TRAPPC9: variants seen among roughly 807,000 people sequenced by gnomAD.
The protein encoded by TRAPPC9 is trafficking protein particle complex subunit 9.
A neutral mutation model predicts 124.0 loss-of-function variants in TRAPPC9; 83 were observed. The observed-to-expected ratio is 0.67, with a 90% CI of 0.56 to 0.80. The LOEUF is 0.80. TRAPPC9 is among the 30% of genes least tolerant of loss of function. The pLI, the probability that TRAPPC9 is intolerant of heterozygous loss-of-function variation, is 0.00. For missense variants in TRAPPC9, 1,302 were observed against 1,508.3 expected (o/e 0.86, Z 2.27); for synonymous variants, 638 against 617.5 (o/e 1.03, Z -0.49).
chr8:139,774,605 G>A (rs1821231292), intron 21 of TRAPPC9, among the ~76,000 whole-genome samples: 1 of 152,182 alleles, frequency 6.6e-6, no homozygotes, highest in African/African-American at 2.4e-5. Context: ...TTAGCACAGT[G>A]CGATGTTTCC....
intron 7 of TRAPPC9, among the ~76,000 whole-genome samples, chr8:140,389,826 A>G (rs2068871426): frequency 6.7e-6 from 1 of 150,350 alleles, no homozygotes; most frequent in South Asian, 2.1e-4. Flanking sequence ...AACACATACA[A>G]TTTAACAACA....
intron 17 of TRAPPC9, among the ~76,000 whole-genome samples, chr8:140,162,991 CA>C (rs1321351058): frequency 6.7e-6 from 1 of 149,724 alleles, no homozygotes; most frequent in African/African-American, 2.5e-5. Flanking sequence ...GACCCTGTCT[CA>C]AAAAAAAAGA....
At chr8:140,449,334 G>A (rs2071378772) in intron 2 of TRAPPC9, among the ~76,000 whole-genome samples, 1 of 152,206 alleles carries the variant, frequency 6.6e-6, no homozygotes, top group Non-Finnish European at 1.5e-5. Context: ...TCCAAGCCAG[G>A]AGGCCAGTGA....
chr8:139,918,888 C>G (rs1006952679), intron 19 of TRAPPC9, among the ~76,000 whole-genome samples: 1 of 152,202 alleles, frequency 6.6e-6, no homozygotes, highest in African/African-American at 2.4e-5. Context: ...AAATTGATTT[C>G]TTTCTGCAGA....
chr8:139,940,107 G>A (rs1587287157), intron 19 of TRAPPC9, among the ~76,000 whole-genome samples: 2 of 152,316 alleles, frequency 1.3e-5, no homozygotes, highest in South Asian at 2.1e-4. Flanking sequence ...CCGTCGTTTG[G>A]TTGGAACACA....
intron 7 of TRAPPC9, among the ~76,000 whole-genome samples, chr8:140,388,956 CTTT>C (rs1244741598): frequency 0.045 from 5,582 of 125,290 alleles, 278 homozygotes; most frequent in African/African-American, 0.13. Flanking sequence ...CAAACACTGT[CTTT>C]TTTTTTTTTT....
chr8:140,083,684 T>C (rs1246796670), intron 17 of TRAPPC9, among the ~76,000 whole-genome samples: 5 of 147,866 alleles, frequency 3.4e-5, no homozygotes, highest in South Asian at 4.3e-4. Flanking sequence ...TTTTGTTTTT[T>C]GAGATGGAGT....
chr8:140,166,377 G>A (rs1176689726), intron 17 of TRAPPC9, among the ~76,000 whole-genome samples: 3 of 152,216 alleles, frequency 2.0e-5, no homozygotes, highest in Non-Finnish European at 4.4e-5. Flanking sequence ...TGATTGAAAA[G>A]TCGTTCCTCC....
intron 16 of TRAPPC9, among the ~76,000 whole-genome samples, chr8:140,250,471 G>A (rs1483193565): frequency 6.6e-6 from 1 of 152,130 alleles, no homozygotes; most frequent in Non-Finnish European, 1.5e-5. Flanking sequence ...GAGAATGTTA[G>A]ACTGTGAGCT....
chr8:140,391,111 A>C (rs2068910812), intron 7 of TRAPPC9, among the ~76,000 whole-genome samples: 1 of 152,202 alleles, frequency 6.6e-6, no homozygotes. Context: ...AAAAATTTTA[A>C]AGAGGCTATT....
At chr8:140,345,949 G>A (rs1043577223) in intron 9 of TRAPPC9, among the ~76,000 whole-genome samples, 15 of 152,212 alleles carry the variant, frequency 9.9e-5, no homozygotes, top group African/African-American at 2.4e-4. Context: ...CGGGGAGACC[G>A]AGAGACAGCA....
At chr8:139,919,692 AG>A (rs1340287725) in intron 19 of TRAPPC9, among the ~76,000 whole-genome samples, 1 of 152,218 alleles carries the variant, frequency 6.6e-6, no homozygotes, top group African/African-American at 2.4e-5. Flanking sequence ...AGCTAATATC[AG>A]GGTGTCTGCG....
chr8:140,362,848 C>T (rs969005151), intron 8 of TRAPPC9, among the ~76,000 whole-genome samples: 1 of 152,318 alleles, frequency 6.6e-6, no homozygotes, highest in East Asian at 1.9e-4. Flanking sequence ...GCAAATATCA[C>T]TTTGCTGATT....
chr8:140,328,390 G>T (rs530073461), intron 9 of TRAPPC9, among the ~76,000 whole-genome samples: 2 of 152,272 alleles, frequency 1.3e-5, no homozygotes, highest in South Asian at 4.2e-4. Flanking sequence ...TTGAGGCATG[G>T]TTATGTGTCA....
chr8:140,267,415 C>A (rs2064713537), intron 15 of TRAPPC9, among the ~76,000 whole-genome samples: 2 of 152,238 alleles, frequency 1.3e-5, no homozygotes, highest in South Asian at 4.1e-4. Flanking sequence ...ACATTTCACG[C>A]TCACCACAAC....
intron 9 of TRAPPC9, among the ~76,000 whole-genome samples, chr8:140,333,676 C>T (rs1016832889): frequency 3.3e-5 from 5 of 152,222 alleles, no homozygotes; most frequent in South Asian, 2.1e-4. Flanking sequence ...CAGGCGTAAG[C>T]CACCGCGCCT....
chr8:140,291,767 G>T (rs752527595), intron 11 of TRAPPC9, among the ~76,000 whole-genome samples: 2 of 152,238 alleles, frequency 1.3e-5, no homozygotes, highest in African/African-American at 4.8e-5. Flanking sequence ...AGGTGAGACC[G>T]CACAGGAGAC....
chr8:139,836,987 C>T (rs998693345), intron 21 of TRAPPC9, among the ~76,000 whole-genome samples: 1 of 152,026 alleles, frequency 6.6e-6, no homozygotes, highest in Non-Finnish European at 1.5e-5. Flanking sequence ...TGGGGCCTAG[C>T]GATCTGGGTT....
intron 4 of TRAPPC9, among the ~76,000 whole-genome samples, chr8:140,432,363 C>A (rs896191015): frequency 6.6e-6 from 1 of 152,100 alleles, no homozygotes; most frequent in Non-Finnish European, 1.5e-5. Context: ...AACTTTAACA[C>A]CCCTAAATAT....
Sources: allele counts gnomAD v4.1 joint callset (sites outside exome capture counted in the v4.1 genomes callset), GRCh38; gene constraint gnomAD v4.1.1; transcripts MANE v1.5; gene names NCBI Gene and HGNC (gene_info 2026-07-23, HGNC 2026-07-21).